ZBTB14: variants seen among roughly 807,000 people sequenced by gnomAD.
ZBTB14 encodes the protein zinc finger and BTB domain containing 14.
ZBTB14 carries 8 observed loss-of-function variants against 29.5 expected under a neutral mutation model. The observed-to-expected ratio is 0.27, with a 90% CI of 0.16 to 0.49. The LOEUF is 0.49. Ranked by LOEUF, ZBTB14 falls within the 20% of genes least tolerant of loss-of-function variation. The pLI is 0.99. For missense variants in ZBTB14, 333 were observed against 563.8 expected, an observed-to-expected ratio of 0.59 and a Z score of 4.15; for synonymous variants, 226 against 207.2, an observed-to-expected ratio of 1.09 and a Z score of -0.78.
rs1245183973 is a variant in ZBTB14, at chr18:5,289,350, A to G, written c.*1508T>C. ...TAAAAAATCAAATTTCTTTCACAAT[A>G]GAATTACAGGTGTTAATGCAACAAG... is the stretch of plus-strand genomic sequence containing the variant. On this transcript the variant is annotated 3_prime_UTR_variant, in exon 4 of 4. Coordinates refer to ENST00000651870, the MANE Select transcript of ZBTB14 (RefSeq NM_001243702.2). The G allele has an allele frequency of 6.6e-6, 1 of 152,256 alleles. No homozygotes were observed. The highest frequency in any genetic ancestry group is 1.5e-5 in the Non-Finnish European group (1 of 68,038). The allele number at this position is 152,256 out of a possible 1,614,324, so 9.4% of individuals were successfully genotyped here. A position where few individuals can be genotyped will look rare whatever the true frequency, so the allele number is the denominator to read the frequency against.
Position 5,289,660 on chromosome 18 carries a change from C to T in ZBTB14, c.*1198G>A, listed in dbSNP as rs530240660. ...CTGTAACCAGTGATGAAATATATTTCGAAAACATAAACATTTGGTCTGACA... is the reference window on the plus strand; with the variant it reads ...CTGTAACCAGTGATGAAATATATTTTGAAAACATAAACATTTGGTCTGACA... On this transcript the variant is annotated 3_prime_UTR_variant, in exon 4 of 4. Coordinates refer to ENST00000651870, the MANE Select transcript of ZBTB14 (RefSeq NM_001243702.2). 2.6e-5 allele frequency: 4 copies of T among 152,342 alleles called. No individual in the cohort carries two copies. The highest frequency in any genetic ancestry group is 1.3e-4 in the Admixed American group (2 of 15,286). 9.4% of individuals were successfully genotyped at this position (152,342 alleles called of 1,614,324 possible).
chr18:5,292,912 G>T (rs1397301715), intron 3 of ZBTB14, among the ~76,000 whole-genome samples: 1 of 152,166 alleles, frequency 6.6e-6, no homozygotes, highest in African/African-American at 2.4e-5. Context: ...ATGACATTTG[G>T]GAAGTGGCTT....
At position 5,292,130 on chromosome 18, in the gene ZBTB14, T is replaced by C; in HGVS notation, c.78A>G (p.Leu26=). 6.2e-7 allele frequency: 1 copy of C among 1,601,030 alleles called. No individual in the cohort carries two copies. Among genetic ancestry groups the C allele is most frequent in the South Asian group, 1.1e-5 (1 of 90,210 alleles). Residue 26 remains leucine, a synonymous_variant, in exon 4 of 4, where the codon CTA becomes CTG. Transcript: ENST00000651870. ...ATTCTCCTTCCAGGCGTTGTTCATT[T>C]AGTGTTTTCAGAAACAGAGTTTTAT... ...DDHKTLFLKT[L]NEQRLEGEFC... is the part of the protein sequence containing the mutation.
chr18:5,296,264 C>G (rs1002107306), upstream of ZBTB14: 3 of 149,726 alleles, frequency 2.0e-5, no homozygotes, highest in Admixed American at 2.0e-4. Context: ...CGCGCGGAGC[C>G]CGCGCGCGGG....
intron 1 of ZBTB14, among the ~76,000 whole-genome samples, chr18:5,295,380 G>A (rs2071930011): frequency 6.9e-6 from 1 of 144,940 alleles, no homozygotes; most frequent in South Asian, 2.1e-4. Context: ...TCCGCCGGCG[G>A]CTGTAGGCGG....
chr18:5,294,083 G>GTT (rs1193777149), intron 1 of ZBTB14, 82 bp from the exon 2 acceptor site: 11 of 152,364 alleles, frequency 7.2e-5, no homozygotes, highest in Admixed American at 5.9e-4. Context: ...GGACTGGGCT[G>GTT]TAACAGTCTT....
upstream of ZBTB14, chr18:5,295,803 C>G (rs892433123): frequency 6.6e-6 from 1 of 152,134 alleles, no homozygotes; most frequent in African/African-American, 2.4e-5. Flanking sequence ...GCACCCTGGC[C>G]CGCGCTTACC....
chr18:5,292,160 A>G lies in ZBTB14; in HGVS notation c.48T>C (p.Asp16=), dbSNP rs1248490140. The G allele has an allele frequency of 1.3e-6, 2 of 1,587,958 alleles. No homozygotes were observed. The highest frequency in any genetic ancestry group is 2.2e-5 in the East Asian group (1 of 44,834). The change falls in exon 4 of 4, where the codon GAT becomes GAC. Residue 16 remains aspartate (D), a synonymous_variant. Coordinates refer to ENST00000651870, the MANE Select transcript of ZBTB14 (RefSeq NM_001243702.2). ...SMSETIKYND[D]DHKTLFLKTL... ...TTTTCAGAAACAGAGTTTTATGATCATCGTCATTATATTTAATGGTTTCAG... is the reference window on the plus strand; with the variant it reads ...TTTTCAGAAACAGAGTTTTATGATCGTCGTCATTATATTTAATGGTTTCAG...
Position 5,292,201 on chromosome 18 carries a change from A to T in ZBTB14, c.7T>A (p.Phe3Ile). Residue 3 changes from phenylalanine to isoleucine, a missense_variant, in exon 4 of 4, where the codon TTT becomes ATT. Coordinates refer to ENST00000651870, the MANE Select transcript of ZBTB14 (RefSeq NM_001243702.2). ...ATGGTTTCAGACATACTGATGAAAA[A>T]CTCCTACAAAAAAAAAAAAAGTTTA... MEFFISMSETIKY... is the reference protein window; with the variant it reads MEIFISMSETIKY... 6.7e-7 allele frequency: 1 copy of T among 1,494,930 alleles called. No homozygotes were observed. The highest frequency in any genetic ancestry group is 8.8e-7 in the Non-Finnish European group (1 of 1,138,774). 92.6% of individuals were successfully genotyped at this position (1,494,930 alleles called of 1,614,324 possible).
upstream of ZBTB14, chr18:5,296,325 G>A (rs1197218837): frequency 6.7e-6 from 1 of 150,352 alleles, no homozygotes; most frequent in African/African-American, 2.4e-5. Flanking sequence ...GGGAACTTAA[G>A]CACGAGCGCT....
chr18:5,293,086 CTA>C (rs2071854839), intron 3 of ZBTB14, among the ~76,000 whole-genome samples, 156 bp downstream of exon 3: 1 of 152,208 alleles, frequency 6.6e-6, no homozygotes, highest in South Asian at 2.1e-4. Context: ...AAAGCATTCT[CTA>C]TGTTTCCTTT....
chr18:5,293,292 C>A lies in ZBTB14; in HGVS notation c.-46G>T, dbSNP rs781502757. Reference sequence around the variant, plus strand: ...TTAATGCCTTGAACGCCAAAATCTTCAGATCAGAGTAACTCTGATCAGGAG... The same window carrying A: ...TTAATGCCTTGAACGCCAAAATCTTAAGATCAGAGTAACTCTGATCAGGAG... On this transcript the variant is annotated 5_prime_UTR_variant, in exon 3 of 4. An upstream open reading frame in the 5' UTR loses its in-frame stop. Coordinates refer to ENST00000651870, the MANE Select transcript of ZBTB14 (RefSeq NM_001243702.2). The A allele has an allele frequency of 1.2e-6, 2 of 1,611,456 alleles. No homozygotes were observed. The highest frequency in any genetic ancestry group is 1.1e-5 in the South Asian group (1 of 90,782).
At chr18:5,296,441 C>T (rs902209195), upstream of ZBTB14, among the ~76,000 whole-genome samples, 1 of 150,298 alleles carries the variant, frequency 6.7e-6, no homozygotes, top group Non-Finnish European at 1.5e-5. Flanking sequence ...GCCAGCGCTC[C>T]CGTGCGTGTG....
Position 5,294,002 on chromosome 18 carries a change from C to T in ZBTB14, c.-111-1G>A, listed in dbSNP as rs2071880815. 6.6e-6 allele frequency: 1 copy of T among 152,180 alleles called. No homozygotes were observed. The highest frequency in any genetic ancestry group is 6.5e-5 in the Admixed American group (1 of 15,278). 9.4% of individuals were successfully genotyped at this position (152,180 alleles called of 1,614,324 possible). On this transcript the variant is annotated splice_acceptor_variant, in intron 1 of 3. Transcript: ENST00000651870. LOFTEE classifies it low-confidence loss of function (5UTR_SPLICE). ...GAACTCCATCCTGCAGACCCATATC[C>T]TGAAAAACAAAAAGTTTCCTCTACT...
chr18:5,294,443 T>C (rs934908960), intron 1 of ZBTB14, among the ~76,000 whole-genome samples: 1 of 152,182 alleles, frequency 6.6e-6, no homozygotes, highest in Non-Finnish European at 1.5e-5. Context: ...TTAGACTAGC[T>C]ATGACAACAT....
chr18:5,296,854 G>C (rs1394269859), upstream of ZBTB14, among the ~76,000 whole-genome samples: 1 of 136,982 alleles, frequency 7.3e-6, no homozygotes, highest in East Asian at 2.0e-4. Flanking sequence ...GATTCGGAGA[G>C]CTCTGATAAC....
At chr18:5,295,512 T>G (rs2071936701) in intron 1 of ZBTB14, 140 bp downstream of exon 1, 1 of 142,358 alleles carries the variant, frequency 7.0e-6, no homozygotes. Context: ...GGCCATGAAC[T>G]CGGCCGCCGA....
At chr18:5,293,140 CCAGA>C (rs1370866238) in intron 3 of ZBTB14, 100 bp downstream of exon 3, 85 of 1,216,850 alleles carry the variant, frequency 7.0e-5, no homozygotes, top group Middle Eastern at 5.7e-4. Context: ...ATATTTTCCC[CCAGA>C]CAAATAGAAG....
intron 3 of ZBTB14, among the ~76,000 whole-genome samples, chr18:5,293,041 G>A (rs776024756): frequency 1.3e-5 from 2 of 152,194 alleles, no homozygotes; most frequent in Non-Finnish European, 2.9e-5. Flanking sequence ...TGGCATGAAA[G>A]ATCTCTGTCA....
Sources: allele counts gnomAD v4.1 joint callset (sites outside exome capture counted in the v4.1 genomes callset), GRCh38; gene constraint gnomAD v4.1.1; transcripts MANE v1.5; gene names NCBI Gene and HGNC (gene_info 2026-07-23, HGNC 2026-07-21).